The following CREB3L3 variants were observed in gnomAD, a reference collection of about 807,000 sequenced individuals.
The protein encoded by CREB3L3 is cyclic AMP-responsive element-binding protein 3-like protein 3.
In CREB3L3, 40 loss-of-function variants were observed where a neutral mutation model predicts 44.6. That is an observed-to-expected ratio of 0.90 (90% CI 0.70 to 1.17). CREB3L3 has a LOEUF of 1.17. Among genes scored for constraint, CREB3L3 ranks in the 50% most tolerant of loss-of-function variants. The pLI is 0.00. For synonymous variants in CREB3L3, 273 were observed against 256.3 expected (o/e 1.06, Z -0.62); for missense variants, 578 against 595.8 (o/e 0.97, Z 0.31).
chr19:4,156,939 A>G (rs2041588828), intron 2 of CREB3L3, 56 bp from the exon 3 acceptor site: 2 of 1,580,402 alleles, frequency 1.3e-6, no homozygotes, highest in Admixed American at 1.7e-5. Context: ...GCCACACACT[A>G]ATCTAAAAAG....
Position 4,172,339 on chromosome 19 carries a change from T to C in CREB3L3, c.*370T>C. 3.0e-6 allele frequency: 1 copy of C among 337,782 alleles called. No homozygotes were observed. The highest frequency in any genetic ancestry group is 5.2e-6 in the Non-Finnish European group (1 of 191,358). 20.9% of individuals were successfully genotyped at this position (337,782 alleles called of 1,614,324 possible). A position where few individuals can be genotyped will look rare whatever the true frequency, so the allele number is the denominator to read the frequency against. ...GACAAACAGACAGACAGACACAGCC[T>C]GAAACAGACCCAGACAGACAGACAG... On this transcript the variant is annotated 3_prime_UTR_variant, in exon 10 of 10. Coordinates refer to ENST00000078445, the MANE Select transcript of CREB3L3 (RefSeq NM_032607.3).
intron 4 of CREB3L3, among the ~76,000 whole-genome samples, chr19:4,164,224 C>T (rs1055304369): frequency 6.6e-6 from 1 of 152,042 alleles, no homozygotes; most frequent in Non-Finnish European, 1.5e-5. Context: ...TTGCCCACCT[C>T]GGCCTCCCAA....
intron 4 of CREB3L3, among the ~76,000 whole-genome samples, chr19:4,161,732 G>A (rs2041664905): frequency 6.6e-6 from 1 of 152,220 alleles, no homozygotes; most frequent in African/African-American, 2.4e-5. Context: ...CAATGCCAAA[G>A]GTTATCCTGA....
At chr19:4,156,064 T>TTC (rs1450641343) in intron 2 of CREB3L3, among the ~76,000 whole-genome samples, 3 of 142,190 alleles carry the variant, frequency 2.1e-5, no homozygotes, top group Admixed American at 7.0e-5. Context: ...TTCTCTTTCT[T>TTC]TCTCTCTCTC....
rs375880323 is a variant in CREB3L3, at chr19:4,168,391, G to A, written c.755G>A (p.Arg252Gln). 25 of 1,611,190 alleles carry A rather than the reference G, an allele frequency of 1.6e-5. No homozygotes were observed. The highest frequency in any genetic ancestry group is 3.3e-4 in the Middle Eastern group (2 of 6,066). The change falls in exon 6 of 10, where the codon CGG becomes CAG. Residue 252 changes from arginine (R) to glutamine (Q), a missense_variant. Coordinates refer to ENST00000078445, the MANE Select transcript of CREB3L3 (RefSeq NM_032607.3). Reference sequence around the variant, plus strand: ...CTGAAAAAAATCCGCCGGAAAATCCGGAACAAGCAGTCGGCGCAAGAAAGC... The same window carrying A: ...CTGAAAAAAATCCGCCGGAAAATCCAGAACAAGCAGTCGGCGCAAGAAAGC... ...RVLKKIRRKI[R>Q]NKQSAQESRK... is the part of the protein sequence containing the mutation.
In CREB3L3 at chr19:4,171,807, C is replaced by G. The variant is rs201202552; in HGVS notation, c.1224C>G (p.Thr408=). The G allele has an allele frequency of 5.6e-6, 9 of 1,613,460 alleles. No homozygotes were observed. Among genetic ancestry groups the G allele is most frequent in the Admixed American group, 3.3e-5 (2 of 59,992 alleles). The change falls in exon 10 of 10, where the codon ACC becomes ACG. Residue 408 remains threonine, a synonymous_variant. Coordinates refer to ENST00000078445, the MANE Select transcript of CREB3L3 (RefSeq NM_032607.3). The surrounding 1 kb of genome is among the most constrained non-coding windows in gnomAD (Gnocchi z 4.9). The stretch of plus-strand genomic sequence containing the variant: ...GGGCAGACTGGGGCTTCCAGGACAC[C>G]GCGAACCTGACCAATTCGACGGAGG... ...SPGADWGFQD[T]ANLTNSTEEL...
At chr19:4,156,753 C>T (rs570979344) in intron 2 of CREB3L3, among the ~76,000 whole-genome samples, 43 of 147,126 alleles carry the variant, frequency 2.9e-4, no homozygotes, top group Admixed American at 2.0e-3. Context: ...TCGCCCTCCT[C>T]GGCCTCCCAA....
chr19:4,161,367 T>C (rs350862), intron 4 of CREB3L3, among the ~76,000 whole-genome samples: 1 of 151,740 alleles, frequency 6.6e-6, no homozygotes, highest in African/African-American at 2.4e-5. Context: ...TCCTGCTTTG[T>C]CCTCTCACAG....
At chr19:4,166,967 T>C (rs1471043081) in intron 5 of CREB3L3, among the ~76,000 whole-genome samples, 1 of 151,486 alleles carries the variant, frequency 6.6e-6, no homozygotes, top group African/African-American at 2.4e-5. Context: ...CCTGGACTTA[T>C]GCGATCCTCT....
intron 5 of CREB3L3, among the ~76,000 whole-genome samples, chr19:4,166,090 T>A (rs1347003107): frequency 1.3e-5 from 2 of 151,206 alleles, no homozygotes; most frequent in South Asian, 4.2e-4. Context: ...CTCATCTGTT[T>A]TTTTTTTTTT....
chr19:4,168,637 G>C (rs181036955), intron 6 of CREB3L3, among the ~76,000 whole-genome samples, 180 bp downstream of exon 6: 80 of 152,208 alleles, frequency 5.3e-4, no homozygotes, highest in Admixed American at 2.9e-3. Context: ...GATGGTGTAG[G>C]ACAAGGGTTT....
intron 4 of CREB3L3, among the ~76,000 whole-genome samples, chr19:4,160,089 A>G (rs2041638879): frequency 6.6e-6 from 1 of 152,026 alleles, no homozygotes. Flanking sequence ...TGAGCTCAGG[A>G]GTTTGAGACC....
intron 4 of CREB3L3, 65 bp downstream of exon 4, chr19:4,159,847 C>G: frequency 1.3e-6 from 1 of 793,088 alleles, no homozygotes; most frequent in Non-Finnish European, 2.3e-6. Context: ...TTCGAGGAGC[C>G]TAAATATCCC....
At position 4,170,725 on chromosome 19, in the gene CREB3L3, C is replaced by T. The variant is rs569120918; in HGVS notation, c.891-366C>T. 6.0e-3 allele frequency among the ~76,000 whole-genome samples: 900 copies of T among 150,408 alleles called. 15 individuals carry two copies. The highest frequency in any genetic ancestry group is 0.02 in the African/African-American group (835 of 40,916). On this transcript the variant is annotated intron_variant, in intron 7 of 9. Transcript: ENST00000078445. Reference sequence around the variant, plus strand: ...GAGATCAAGACCATCCTGGCTAACACGGTGAAACCCCGTCTCTACTAAAAA... The same window carrying T: ...GAGATCAAGACCATCCTGGCTAACATGGTGAAACCCCGTCTCTACTAAAAA...
intron 5 of CREB3L3, among the ~76,000 whole-genome samples, chr19:4,166,452 G>T (rs1966908399): frequency 7.7e-6 from 1 of 130,368 alleles, no homozygotes; most frequent in Non-Finnish European, 1.6e-5. Context: ...TTTGAGTAGA[G>T]ACAGAGTTTC....
At position 4,171,704 on chromosome 19, in the gene CREB3L3, A is replaced by C; in HGVS notation, c.1121A>C (p.Asp374Ala). The change falls in exon 10 of 10, where the codon GAT becomes GCT. Residue 374 changes from aspartate to alanine, a missense_variant. Physicochemically the swap from Asp to Ala is moderately radical, Grantham distance 126. Transcript: ENST00000078445. The surrounding 1 kb of genome is among the most constrained non-coding windows in gnomAD (Gnocchi z 4.9). ...HNDAASRVAA[D>A]AVPGSEAPGP... is the part of the protein sequence containing the mutation. ...GATGCTGCCTCCCGCGTGGCTGCTG[A>C]TGCTGTGCCAGGCTCCGAGGCCCCA... 6.2e-7 allele frequency: 1 copy of C among 1,613,258 alleles called. No homozygotes were observed. Among genetic ancestry groups the C allele is most frequent in the Non-Finnish European group, 8.5e-7 (1 of 1,180,018 alleles).
chr19:4,156,526 A>T (rs1276637846), intron 2 of CREB3L3, among the ~76,000 whole-genome samples: 1 of 116,668 alleles, frequency 8.6e-6, no homozygotes, highest in Non-Finnish European at 1.7e-5. Context: ...TTTTTTTGAG[A>T]TGGAGTCTTG....
intron 6 of CREB3L3, among the ~76,000 whole-genome samples, chr19:4,169,292 C>G (rs1966990676): frequency 6.6e-6 from 1 of 151,320 alleles, no homozygotes; most frequent in South Asian, 2.1e-4. Context: ...GAGATCGAGA[C>G]CACGGTGAAA....
Position 4,171,748 on chromosome 19 carries a change from G to T in CREB3L3, c.1165G>T (p.Asp389Tyr). 6.2e-7 allele frequency: 1 copy of T among 1,613,338 alleles called. No homozygotes were observed. The highest frequency in any genetic ancestry group is 8.5e-7 in the Non-Finnish European group (1 of 1,180,026). Residue 389 changes from aspartate to tyrosine, a missense_variant, in exon 10 of 10, where the codon GAC becomes TAC. Asp to Tyr is a radical substitution (Grantham distance 160, BLOSUM62 -3). Coordinates refer to ENST00000078445, the MANE Select transcript of CREB3L3 (RefSeq NM_032607.3). The surrounding 1 kb of genome is among the most constrained non-coding windows in gnomAD (Gnocchi z 4.9). ...GGCCCCAGGACCCCGACCCGAGGCT[G>T]ACACAACCCGAGAAGAGTCTCCAGG... ...SEAPGPRPEA[D>Y]TTREESPGSP...
Sources: allele counts gnomAD v4.1 joint callset (sites outside exome capture counted in the v4.1 genomes callset), GRCh38; gene constraint gnomAD v4.1.1; non-coding constraint Gnocchi (gnomAD v3.1); transcripts MANE v1.5; gene names NCBI Gene and HGNC (gene_info 2026-07-23, HGNC 2026-07-21).